GC: variants seen among roughly 807,000 people sequenced by gnomAD.
GC encodes vitamin D-binding protein.
In GC, 43 loss-of-function variants were observed where a neutral mutation model predicts 56.7. The ratio of observed to expected loss-of-function variants is 0.76; its 90% confidence interval spans 0.59 to 0.98. The LOEUF (loss-of-function observed/expected upper bound fraction) is 0.98. GC is among the 50% of genes least tolerant of loss of function. GC has a pLI of 0.00. For synonymous variants in GC, 216 were observed against 202.7 expected (o/e 1.07, Z -0.56); for missense variants, 529 against 545.9 (o/e 0.97, Z 0.31).
At chr4:71,769,611 G>T in intron 1 of GC, 2 of 500,388 alleles carry the variant, frequency 4.0e-6, no homozygotes, top group East Asian at 7.2e-5. Flanking sequence ...TTAGTCACCA[G>T]CAGAACAAAA....
chr4:71,752,571 A>T lies in GC; in HGVS notation c.1342T>A (p.Phe448Ile). 1 of 1,613,544 alleles carries T rather than the reference A, an allele frequency of 6.2e-7. No homozygotes were observed. Among genetic ancestry groups the T allele is most frequent in the East Asian group, 2.2e-5 (1 of 44,866 alleles). Reference sequence around the variant, plus strand: ...TTTATGGAACAGCAGTTGGAGGCAAAGTCTGAGTGCTTGTTAACCAGCTTT... The same window carrying T: ...TTTATGGAACAGCAGTTGGAGGCAATGTCTGAGTGCTTGTTAACCAGCTTT... ...LAKLVNKHSD[F>I]ASNCCSINSP... is the part of the protein sequence containing the mutation. Residue 448 changes from phenylalanine to isoleucine, a missense_variant, in exon 11 of 13, where the codon TTT becomes ATT. Physicochemically the swap from Phe to Ile is conservative, Grantham distance 21. Transcript: ENST00000273951.
chr4:71,747,919 G>C (rs754318854), intron 11 of GC, among the ~76,000 whole-genome samples: 1 of 152,108 alleles, frequency 6.6e-6, no homozygotes, highest in African/African-American at 2.4e-5. Context: ...TACCAACCTG[G>C]TATCATTTTT....
chr4:71,750,776 T>A (rs907718059), intron 11 of GC, among the ~76,000 whole-genome samples: 1 of 151,972 alleles, frequency 6.6e-6, no homozygotes, highest in African/African-American at 2.4e-5. Flanking sequence ...TACCAGCTAC[T>A]CGGGAGGCTG....
intron 3 of GC, among the ~76,000 whole-genome samples, chr4:71,766,926 A>G (rs705124): frequency 0.85 from 128,900 of 152,092 alleles, 54,978 homozygotes; most frequent in South Asian, 0.95. Context: ...TATCAATGCC[A>G]TATCTGTTTT....
intron 4 of GC, among the ~76,000 whole-genome samples, chr4:71,764,755 T>A (rs1175092653): frequency 6.6e-6 from 1 of 152,218 alleles, no homozygotes; most frequent in Non-Finnish European, 1.5e-5. Context: ...GCAATCCTAC[T>A]AATTTTTACA....
intron 3 of GC, among the ~76,000 whole-genome samples, chr4:71,767,608 GAT>G (rs201548231): frequency 7.9e-4 from 115 of 145,950 alleles, no homozygotes; most frequent in African/African-American, 2.0e-3. Flanking sequence ...TTCATGAGCT[GAT>G]ATATATATAT....
rs112992819 is a variant in GC at position 71,802,538 on chromosome 4, C to T, written c.21+1388G>A. 3.4e-3 allele frequency among the ~76,000 whole-genome samples: 511 copies of T among 152,236 alleles called. 3 individuals carry two copies. The highest frequency in any genetic ancestry group is 0.011 in the African/African-American group (460 of 41,554). Reference sequence around the variant, plus strand: ...TAAAATGGGGCTGCATGCCCATAAACCCATTACAAGTTGAAAATGTCATAA... The same window carrying T: ...TAAAATGGGGCTGCATGCCCATAAATCCATTACAAGTTGAAAATGTCATAA... On this transcript the variant is annotated intron_variant, in intron 1 of 13. Transcript: ENST00000504199.
At chr4:71,743,897 G>A (rs890103113) in intron 12 of GC, among the ~76,000 whole-genome samples, 2 of 152,174 alleles carry the variant, frequency 1.3e-5, no homozygotes, top group African/African-American at 4.8e-5. Flanking sequence ...AGGAATATGT[G>A]AATATGTGAG....
exon 1 of GC, chr4:71,803,992 G>A: frequency 1.6e-6 from 2 of 1,237,860 alleles, no homozygotes; most frequent in South Asian, 2.6e-5. Context: ...TGGTAGAATA[G>A]GTAGATATCA....
Position 71,761,534 on chromosome 4 carries a change from T to C in GC, c.701+1874A>G, listed in dbSNP as rs1475590800. ...TTTGCATAAGTAACAAGGAGCTGAA[T>C]GTTAATCCCCAATACAATGGGGGAA... On this transcript the variant is annotated intron_variant, in intron 6 of 12. Transcript: ENST00000273951. Among the ~76,000 whole-genome samples, 4 of 152,288 alleles carry C rather than the reference T, an allele frequency of 2.6e-5. No homozygotes were observed. The South Asian group carries it at 8.3e-4, about 32-fold the overall frequency.
At chr4:71,744,567 C>T (rs1442333034) in intron 12 of GC, among the ~76,000 whole-genome samples, 1 of 151,990 alleles carries the variant, frequency 6.6e-6, no homozygotes, top group African/African-American at 2.4e-5. Context: ...ATATCTTCTC[C>T]TATTTTAATT....
chr4:71,744,996 T>G (rs1244317622), intron 12 of GC, among the ~76,000 whole-genome samples: 2 of 152,204 alleles, frequency 1.3e-5, no homozygotes, highest in African/African-American at 4.8e-5. Flanking sequence ...CAAAAATATA[T>G]GGGCAGGAAA....
upstream of GC, among the ~76,000 whole-genome samples, chr4:71,786,211 C>T (rs973221798): frequency 1.3e-5 from 2 of 151,758 alleles, no homozygotes; most frequent in East Asian, 1.9e-4. Context: ...AACTGAAATT[C>T]GGCAAAACAG....
chr4:71,761,502 A>C (rs982598775), intron 6 of GC, among the ~76,000 whole-genome samples: 2 of 152,208 alleles, frequency 1.3e-5, no homozygotes, highest in African/African-American at 4.8e-5. Flanking sequence ...CAAGCTGGCT[A>C]TAGAAATTTG....
At chr4:71,779,143 T>C (rs1742598257) in intron 1 of GC, among the ~76,000 whole-genome samples, 2 of 151,710 alleles carry the variant, frequency 1.3e-5, no homozygotes, top group African/African-American at 4.8e-5. Context: ...TATTACACAA[T>C]AATTTTTTGA....
intron 8 of GC, among the ~76,000 whole-genome samples, chr4:71,756,352 T>C (rs1446166524): frequency 6.6e-6 from 1 of 152,236 alleles, no homozygotes; most frequent in Non-Finnish European, 1.5e-5. Flanking sequence ...TCATTAGCAG[T>C]CTGTGTGCTA....
chr4:71,761,806 G>A (rs1277604558), intron 6 of GC, among the ~76,000 whole-genome samples: 4 of 152,190 alleles, frequency 2.6e-5, no homozygotes, highest in Non-Finnish European at 5.9e-5. Context: ...TGTTGAGCCT[G>A]CGGATGCACA....
At chr4:71,779,607 A>G (rs962969185) in intron 1 of GC, among the ~76,000 whole-genome samples, 2 of 151,976 alleles carry the variant, frequency 1.3e-5, no homozygotes, top group East Asian at 1.9e-4. Context: ...AAGTTAGGTG[A>G]CCAAAAATAC....
intron 1 of GC, among the ~76,000 whole-genome samples, chr4:71,783,506 C>T (rs1420571530): frequency 3.3e-5 from 5 of 151,662 alleles, no homozygotes; most frequent in Non-Finnish European, 7.4e-5. Flanking sequence ...TATAAGATTC[C>T]TCTAAGGGGA....
Sources: allele counts gnomAD v4.1 joint callset (sites outside exome capture counted in the v4.1 genomes callset), GRCh38; gene constraint gnomAD v4.1.1; transcripts MANE v1.5; gene names NCBI Gene and HGNC (gene_info 2026-07-23, HGNC 2026-07-21).